Variants in ANK1 observed in about 807,000 individuals in gnomAD.
The protein encoded by ANK1 is ankyrin 1, also known as ankyrin-1.
Under a neutral mutation model 210.4 loss-of-function variants are expected in ANK1, and 51 were observed. The observed-to-expected ratio is 0.24, with a 90% confidence interval of 0.19 to 0.31. The LOEUF (loss-of-function observed/expected upper bound fraction) is 0.31. ANK1 is among the 10% of genes least tolerant of loss of function. ANK1 has a pLI of 1.00. For missense variants in ANK1, 2,051 were observed against 2,504.4 expected (o/e 0.82, Z 3.86); for synonymous variants, 967 against 1,025.9 (o/e 0.94, Z 1.10).
chr8:41,721,356 C>T (rs1829204109), intron 9 of ANK1, among the ~76,000 whole-genome samples: 1 of 152,092 alleles, frequency 6.6e-6, no homozygotes, highest in Non-Finnish European at 1.5e-5. Flanking sequence ...TCCCTCACAG[C>T]CTCAGAAGGA....
At chr8:41,735,426 C>A (rs1186513887) in intron 2 of ANK1, among the ~76,000 whole-genome samples, 1 of 152,116 alleles carries the variant, frequency 6.6e-6, no homozygotes, top group Non-Finnish European at 1.5e-5. Context: ...TCCTCCTGGC[C>A]TCCCGTTTTG....
chr8:41,835,279 C>T (rs1298404696), intron 1 of ANK1, among the ~76,000 whole-genome samples: 1 of 152,064 alleles, frequency 6.6e-6, no homozygotes, highest in African/African-American at 2.4e-5. Context: ...ATGGTGAAAC[C>T]CGTTTCTACT....
intron 39 of ANK1, chr8:41,665,362 T>C: frequency 9.3e-7 from 1 of 1,076,774 alleles, no homozygotes; most frequent in South Asian, 1.4e-5. Context: ...AGCCGGCAGG[T>C]GCCCATGTCC....
intron 1 of ANK1, among the ~76,000 whole-genome samples, chr8:41,791,591 C>A (rs998682436): frequency 6.6e-6 from 1 of 152,106 alleles, no homozygotes; most frequent in Non-Finnish European, 1.5e-5. Context: ...GCCACCATGC[C>A]CAGCTGATTT....
chr8:41,707,830 C>A (rs536664919), intron 17 of ANK1, among the ~76,000 whole-genome samples: 5 of 152,146 alleles, frequency 3.3e-5, no homozygotes, highest in Non-Finnish European at 7.4e-5. Context: ...AGATTTTGTA[C>A]AAAATCTATA....
At chr8:41,732,628 G>A (rs960552193) in intron 3 of ANK1, among the ~76,000 whole-genome samples, 14 of 152,242 alleles carry the variant, frequency 9.2e-5, no homozygotes, top group Non-Finnish European at 1.9e-4. Context: ...GGCTGGGCTG[G>A]TTTCGAACTC....
At chr8:41,759,180 A>G (rs1327292800) in intron 1 of ANK1, among the ~76,000 whole-genome samples, 1 of 152,194 alleles carries the variant, frequency 6.6e-6, no homozygotes, top group East Asian at 1.9e-4. Context: ...TTGCAGGAAA[A>G]AAATTAAAAA....
intron 11 of ANK1, 25 bp from the exon 12 acceptor site, chr8:41,717,727 GA>G: frequency 6.6e-7 from 1 of 1,526,374 alleles, no homozygotes; most frequent in Non-Finnish European, 8.9e-7. Flanking sequence ...GGCAGAGTCC[GA>G]TAAGTGGGAG....
At chr8:41,684,908 T>G (rs1028278026) in intron 36 of ANK1, among the ~76,000 whole-genome samples, 4 of 152,230 alleles carry the variant, frequency 2.6e-5, no homozygotes, top group Non-Finnish European at 5.9e-5. Flanking sequence ...GCGCAGTTAT[T>G]TTATTTATTG....
Position 41,786,304 on chromosome 8 carries a change from T to C in ANK1, c.27+11208A>G, listed in dbSNP as rs78841126. ...GGGCGTCTACAGGCAGCCCTGGGTG[T>C]TGCCCCTGAGCCCTGAGAGAACCTT... is the stretch of plus-strand genomic sequence containing the variant. On this transcript the variant is annotated intron_variant, in intron 1 of 42. Coordinates refer to ENST00000289734, the MANE Select transcript of ANK1 (RefSeq NM_000037.4). Among the ~76,000 whole-genome samples the C allele has an allele frequency of 1.0e-3, 155 of 152,136 alleles. 2 individuals carry two copies. The East Asian group carries it at 0.027, about 27-fold the overall frequency.
chr8:41,677,810 G>A (rs903578318), intron 37 of ANK1, among the ~76,000 whole-genome samples: 3 of 151,972 alleles, frequency 2.0e-5, no homozygotes, highest in Non-Finnish European at 4.4e-5. Flanking sequence ...GGCTGGTCTC[G>A]AACTCCTGAT....
chr8:41,793,701 GTTCCGC>G (rs1848205439), intron 1 of ANK1, among the ~76,000 whole-genome samples: 2 of 152,198 alleles, frequency 1.3e-5, no homozygotes, highest in African/African-American at 4.8e-5. Flanking sequence ...CCAGAACCTT[GTTCCGC>G]TTTATCCATG....
At chr8:41,666,201 C>T (rs938591015) in intron 39 of ANK1, among the ~76,000 whole-genome samples, 2 of 152,036 alleles carry the variant, frequency 1.3e-5, no homozygotes. Flanking sequence ...ACAATCATGC[C>T]GCTTATGAAT....
chr8:41,679,207 G>A (rs1815148464), intron 37 of ANK1, among the ~76,000 whole-genome samples: 1 of 152,184 alleles, frequency 6.6e-6, no homozygotes. Flanking sequence ...TTAATTGGAT[G>A]CTGGACATTG....
intron 1 of ANK1, among the ~76,000 whole-genome samples, chr8:41,777,372 C>T (rs1035803458): frequency 9.9e-5 from 15 of 152,026 alleles, no homozygotes; most frequent in African/African-American, 2.9e-4. Flanking sequence ...GTCAGGAGTT[C>T]GAGACCAGCC....
rs768949871 is a variant in ANK1, at chr8:41,684,587, C to A, written c.4494G>T (p.Arg1498=). 4.3e-6 allele frequency: 7 copies of A among 1,613,652 alleles called. No individual in the cohort carries two copies. Among genetic ancestry groups the A allele is most frequent in the Non-Finnish European group, 8.5e-7 (1 of 1,180,046 alleles). ...RQSRNLKPDR[R]HTDRDYSLSP... ...ACAGCGAGTAGTCGCGGTCGGTGTGCCGCCTGTCTGGCTTCAAGTTGCGGC... is the reference window on the plus strand; with the variant it reads ...ACAGCGAGTAGTCGCGGTCGGTGTGACGCCTGTCTGGCTTCAAGTTGCGGC... The change falls in exon 37 of 43, where the codon CGG becomes CGT. Residue 1498 remains arginine, a synonymous_variant. Transcript: ENST00000289734.
intron 1 of ANK1, among the ~76,000 whole-genome samples, chr8:41,886,292 A>G (rs1818428746): frequency 6.6e-6 from 1 of 152,196 alleles, no homozygotes; most frequent in African/African-American, 2.4e-5. Flanking sequence ...TATGCCAGGT[A>G]CTTTCCATAT....
intron 11 of ANK1, 28 bp downstream of exon 11, chr8:41,718,078 C>A: frequency 6.2e-7 from 1 of 1,609,898 alleles, no homozygotes; most frequent in Non-Finnish European, 8.5e-7. Flanking sequence ...ACAGGCCTGC[C>A]CCCAGGCTCC....
chr8:41,880,592 C>T (rs1337509629), intron 1 of ANK1, among the ~76,000 whole-genome samples: 1 of 152,214 alleles, frequency 6.6e-6, no homozygotes, highest in Non-Finnish European at 1.5e-5. Context: ...GCCCCCAGGG[C>T]CAGTTCTTTG....
Sources: allele counts gnomAD v4.1 joint callset (sites outside exome capture counted in the v4.1 genomes callset), GRCh38; gene constraint gnomAD v4.1.1; transcripts MANE v1.5; gene names NCBI Gene and HGNC (gene_info 2026-07-23, HGNC 2026-07-21).